The following ZNF169 variants were observed in gnomAD, a reference collection of about 807,000 sequenced individuals.
ZNF169 encodes the protein zinc finger protein 169.
ZNF169 carries 11 observed loss-of-function variants against 12.0 expected under a neutral mutation model. The ratio of observed to expected loss-of-function variants is 0.92; its 90% confidence interval spans 0.58 to 1.52. The LOEUF is 1.52. ZNF169 is among the 40% of genes most tolerant of loss of function. ZNF169 has a pLI of 0.00. For synonymous variants in ZNF169, 302 were observed against 286.5 expected (o/e 1.05, Z -0.55); for missense variants, 722 against 744.0 (o/e 0.97, Z 0.34).
At chr9:94,275,570 T>C (rs1008231695) in intron 1 of ZNF169, among the ~76,000 whole-genome samples, 1 of 152,216 alleles carries the variant, frequency 6.6e-6, no homozygotes, top group African/African-American at 2.4e-5. Flanking sequence ...ATAAATTTTC[T>C]TAACTATGAT....
intron 1 of ZNF169, among the ~76,000 whole-genome samples, chr9:94,269,553 G>A (rs912840606): frequency 4.6e-5 from 7 of 152,120 alleles, no homozygotes; most frequent in South Asian, 2.1e-4. Flanking sequence ...CACTGAAAGC[G>A]GCACTCTCCT....
chr9:94,296,993 G>A, intron 4 of ZNF169: 1 of 332,020 alleles, frequency 3.0e-6, no homozygotes, highest in Non-Finnish European at 5.9e-6. Context: ...GTTGCAGTGA[G>A]CCGAGATCAC....
chr9:94,286,756 T>G (rs181270687), intron 2 of ZNF169, among the ~76,000 whole-genome samples: 37 of 152,302 alleles, frequency 2.4e-4, no homozygotes, highest in Non-Finnish European at 5.3e-4. Flanking sequence ...CAGCTGGAGC[T>G]CCTGGAAGCT....
chr9:94,277,436 A>G (rs1830543300), intron 1 of ZNF169, among the ~76,000 whole-genome samples: 1 of 152,216 alleles, frequency 6.6e-6, no homozygotes. Flanking sequence ...TTTTCCCACA[A>G]GAGACTTTGT....
intron 1 of ZNF169, among the ~76,000 whole-genome samples, chr9:94,272,201 A>G (rs916220288): frequency 6.6e-6 from 1 of 151,322 alleles, no homozygotes; most frequent in Admixed American, 6.6e-5. Context: ...TTGTCTTTTT[A>G]AATTTTAATT....
At chr9:94,289,544 C>A (rs1470538409) in intron 2 of ZNF169, among the ~76,000 whole-genome samples, 9 of 152,162 alleles carry the variant, frequency 5.9e-5, no homozygotes. Flanking sequence ...AATCCCAGCA[C>A]TTTGGGAGGC....
chr9:94,285,397 A>C (rs1456803243), intron 2 of ZNF169, among the ~76,000 whole-genome samples: 1 of 152,136 alleles, frequency 6.6e-6, no homozygotes, highest in East Asian at 1.9e-4. Flanking sequence ...GAGCCTCAAG[A>C]ATTGTGGGAG....
At position 94,299,736 on chromosome 9, in the gene ZNF169, A is replaced by G; in HGVS notation, c.257-79A>G. 2.0e-6 allele frequency: 3 copies of G among 1,525,246 alleles called. No homozygotes were observed. In the South Asian group the frequency reaches 4.0e-5, roughly 20 times the overall value. 94.5% of individuals were successfully genotyped at this position (1,525,246 alleles called of 1,614,324 possible). ...TGGAAGATAAGTCTTTGTTGTGAAC[A>G]TCTGAAGAAAACTGCTGGGCAGGTA... On this transcript the variant is annotated intron_variant, in intron 4 of 4. Transcript: ENST00000395395.
intron 1 of ZNF169, among the ~76,000 whole-genome samples, chr9:94,267,942 C>A (rs890268432): frequency 6.8e-6 from 1 of 147,676 alleles, no homozygotes; most frequent in Non-Finnish European, 1.5e-5. Context: ...CTCAGCTCAC[C>A]GCAACCTGCC....
chr9:94,289,585 T>A (rs1312644216), intron 2 of ZNF169, among the ~76,000 whole-genome samples: 7 of 151,336 alleles, frequency 4.6e-5, no homozygotes, highest in Non-Finnish European at 8.8e-5. Flanking sequence ...TGGTCAGGAG[T>A]TCAAGACCAG....
At chr9:94,279,581 A>G (rs10435925) in intron 2 of ZNF169, among the ~76,000 whole-genome samples, 18,641 of 150,322 alleles carry the variant, frequency 0.12, 1,803 homozygotes, top group East Asian at 0.43. Context: ...CGGAGGTTGC[A>G]GTGAGCCGAG....
At chr9:94,288,093 TA>T in intron 2 of ZNF169, 1 of 801,740 alleles carries the variant, frequency 1.2e-6, no homozygotes, top group Non-Finnish European at 2.2e-6. Context: ...ATTCATCTGG[TA>T]GCTAGCCAGC....
chr9:94,301,264 CG>C lies in ZNF169; in HGVS notation c.1707del (p.Tyr570MetfsTer49). 1 of 1,614,132 alleles carries C rather than the reference CG, an allele frequency of 6.2e-7. No individual in the cohort carries two copies. The highest frequency in any genetic ancestry group is 8.5e-7 in the Non-Finnish European group (1 of 1,180,020). ...RHQRTHSGEK[P>X]YVCRECGRGF... ...CAGCGGACCCATTCTGGGGAGAAGC[CG>C]TATGTCTGCAGGGAGTGTGGGCGTG... On this transcript the variant is annotated frameshift_variant, in exon 5 of 5. Coordinates refer to ENST00000395395, the MANE Select transcript of ZNF169 (RefSeq NM_194320.4). LOFTEE classifies it low-confidence loss of function (END_TRUNC).
intron 1 of ZNF169, among the ~76,000 whole-genome samples, chr9:94,263,580 T>C (rs4744329): frequency 0.58 from 88,278 of 151,320 alleles, 25,891 homozygotes; most frequent in Middle Eastern, 0.65. Context: ...TTAGAGACGA[T>C]GTTTTGCTGT....
In ZNF169 at chr9:94,293,048, C is replaced by A; in HGVS notation, c.235C>A (p.His79Asn). 1 of 1,613,324 alleles carries A rather than the reference C, an allele frequency of 6.2e-7. No homozygotes were observed. The highest frequency in any genetic ancestry group is 8.5e-7 in the Non-Finnish European group (1 of 1,179,678). The change falls in exon 4 of 5, where the codon CAT becomes AAT. Residue 79 changes from histidine to asparagine, a missense_variant. Physicochemically the swap from His to Asn is moderately conservative, Grantham distance 68. Transcript: ENST00000395395. Reference protein sequence around the residue: ...GDEPWREENEHLLDLCPEPRT... With the variant: ...GDEPWREENENLLDLCPEPRT... ...CGAACCTTGGAGAGAGGAGAACGAA[C>A]ATCTTCTGGACCTTTGTCCAGGTGA...
chr9:94,274,622 C>T (rs1381939444), intron 1 of ZNF169, among the ~76,000 whole-genome samples: 1 of 152,150 alleles, frequency 6.6e-6, no homozygotes, highest in Non-Finnish European at 1.5e-5. Context: ...TATACCTAAC[C>T]TGCCGCACAT....
chr9:94,283,933 A>C (rs1456667630), intron 2 of ZNF169, among the ~76,000 whole-genome samples: 1 of 151,272 alleles, frequency 6.6e-6, no homozygotes, highest in Non-Finnish European at 1.5e-5. Flanking sequence ...TTAGCCGGGC[A>C]TGGTGGCAGG....
rs1022050495 is a variant in ZNF169 at position 94,259,592 on chromosome 9, T to C, written c.-56+247T>C. On this transcript the variant is annotated intron_variant, in intron 1 of 4. Coordinates refer to ENST00000395395, the MANE Select transcript of ZNF169 (RefSeq NM_194320.4). ...TTGTCGCGTGCTTCTGGCGGGACTT[T>C]GGGCCCAGTATGTTGACCTGGAGGG... Among the ~76,000 whole-genome samples the C allele has an allele frequency of 6.6e-4, 100 of 152,282 alleles. 1 individual carries two copies. The highest frequency in any genetic ancestry group is 6.5e-3 in the Admixed American group (100 of 15,300).
chr9:94,284,430 A>G (rs543910533), intron 2 of ZNF169, among the ~76,000 whole-genome samples: 37 of 152,356 alleles, frequency 2.4e-4, no homozygotes, highest in African/African-American at 7.7e-4. Flanking sequence ...ATCTCAAAAA[A>G]TAAAAATAAA....
Sources: allele counts gnomAD v4.1 joint callset (sites outside exome capture counted in the v4.1 genomes callset), GRCh38; gene constraint gnomAD v4.1.1; transcripts MANE v1.5; gene names NCBI Gene and HGNC (gene_info 2026-07-23, HGNC 2026-07-21).